The following ALG11 variants were observed in gnomAD, a reference collection of about 807,000 sequenced individuals.
The protein encoded by ALG11 is ALG11 alpha-1,2-mannosyltransferase, also known as GDP-Man:Man(3)GlcNAc(2)-PP-Dol alpha-1,2-mannosyltransferase.
Under a neutral mutation model 38.8 loss-of-function variants are expected in ALG11, and 26 were observed. The ratio of observed to expected loss-of-function variants is 0.67; its 90% CI spans 0.49 to 0.93. The LOEUF (loss-of-function observed/expected upper bound fraction) is 0.93, where lower values mean the gene tolerates loss of function less well. ALG11 is among the 40% of genes least tolerant of loss of function. The pLI is 0.00. For synonymous variants in ALG11, 199 were observed against 211.6 expected (o/e 0.94, Z 0.52); for missense variants, 535 against 578.8 (o/e 0.92, Z 0.78).
At position 52,032,049 on chromosome 13, in the gene ALG11, G is replaced by T. The variant is rs570540013; in HGVS notation, c.*3459G>T. The stretch of plus-strand genomic sequence containing the variant: ...AGCCTGAACAACATGGTGAAACCCT[G>T]TCTGTACTAAAAATACAAAAAAATT... On this transcript the variant is annotated 3_prime_UTR_variant, in exon 4 of 4. Transcript: ENST00000521508. 1 of 154,232 alleles carries T rather than the reference G, an allele frequency of 6.5e-6. No individual in the cohort carries two copies. Among genetic ancestry groups the T allele is most frequent in the African/African-American group, 2.4e-5 (1 of 41,534 alleles). 9.6% of individuals were successfully genotyped at this position (154,232 alleles called of 1,614,324 possible).
chr13:52,024,443 A>G lies in ALG11; in HGVS notation c.713A>G (p.Tyr238Cys), dbSNP rs1318976144. 5 of 1,613,858 alleles carry G rather than the reference A, an allele frequency of 3.1e-6. No homozygotes were observed. Among genetic ancestry groups the G allele is most frequent in the African/African-American group, 2.7e-5 (2 of 74,914 alleles). ...FLSKVKLIYY[Y>C]LFAFIYGLVG... Reference sequence around the variant, plus strand: ...AGCAAAGTAAAGCTCATCTACTACTATTTATTTGCTTTTATTTATGGACTT... The same window carrying G: ...AGCAAAGTAAAGCTCATCTACTACTGTTTATTTGCTTTTATTTATGGACTT... Residue 238 changes from tyrosine to cysteine, a missense_variant, in exon 3 of 4, where the codon TAT (tyrosine) becomes TGT (cysteine). Tyr to Cys is a radical substitution (Grantham distance 194). Coordinates refer to ENST00000521508, the MANE Select transcript of ALG11 (RefSeq NM_001004127.3).
At position 52,029,721 on chromosome 13, in the gene ALG11, A is replaced by G. The variant is rs1268258037; in HGVS notation, c.*1131A>G. The G allele has an allele frequency of 1.2e-6, 2 of 1,614,248 alleles. No individual in the cohort carries two copies. Among genetic ancestry groups the G allele is most frequent in the South Asian group, 1.1e-5 (1 of 91,092 alleles). On this transcript the variant is annotated 3_prime_UTR_variant, in exon 4 of 4. Transcript: ENST00000521508. ...CACCAAAACAGTGGGAAATGGGCCA[A>G]GTCAAAGGCAATTATGGCCAAATAT... is the stretch of plus-strand genomic sequence containing the variant.
chr13:52,030,253 C>G lies in ALG11; in HGVS notation c.*1663C>G. 1 of 1,614,192 alleles carries G rather than the reference C, an allele frequency of 6.2e-7. No individual in the cohort carries two copies. The highest frequency in any genetic ancestry group is 1.1e-5 in the South Asian group (1 of 91,086). On this transcript the variant is annotated 3_prime_UTR_variant, in exon 4 of 4. Transcript: ENST00000521508. ...AAGCAAGTTCAGAGGGGACTGTTCC[C>G]CAGGTCCAGAGAGAGGAACCTGCCC...
intron 2 of ALG11, among the ~76,000 whole-genome samples, chr13:52,019,861 C>G (rs911054978): frequency 6.6e-6 from 1 of 152,064 alleles, no homozygotes; most frequent in East Asian, 1.9e-4. Context: ...GAAGTCAAAG[C>G]TACAGTGAGC....
intron 3 of ALG11, 132 bp downstream of exon 3, chr13:52,025,069 T>C: frequency 9.7e-7 from 1 of 1,035,104 alleles, no homozygotes. Flanking sequence ...AAATGTGCTT[T>C]CCTCACTTGA....
rs1954321261 is a variant in ALG11, at chr13:52,033,106, T to C, written c.*4516T>C. The C allele has an allele frequency of 1.2e-5, 2 of 167,132 alleles. No homozygotes were observed. Among genetic ancestry groups the C allele is most frequent in the Admixed American group, 1.3e-4 (2 of 15,288 alleles). 10.4% of individuals were successfully genotyped at this position (167,132 alleles called of 1,614,324 possible). On this transcript the variant is annotated 3_prime_UTR_variant, in exon 4 of 4. Transcript: ENST00000521508. Reference sequence around the variant, plus strand: ...ATATCATTGGAAGATATAATTTGCATATATGTTCATTATCAGTGTTCCTAA... The same window carrying C: ...ATATCATTGGAAGATATAATTTGCACATATGTTCATTATCAGTGTTCCTAA...
intron 1 of ALG11, 103 bp downstream of exon 1, chr13:52,012,565 T>A (rs1022082333): frequency 2.0e-6 from 3 of 1,493,938 alleles, no homozygotes; most frequent in Non-Finnish European, 2.8e-6. Context: ...TTCCTTGTCA[T>A]GAATCTAAGG....
Position 52,024,393 on chromosome 13 carries a change from C to T in ALG11, c.663C>T (p.Ala221=), listed in dbSNP as rs768129165. ...KNQNIGFNNA[A]FITRNPFLSK... is the part of the protein sequence containing the mutation. ...AAAATATTGGATTTAATAATGCAGC[C>T]TTCATTACCAGGAATCCTTTTCTCA... The change falls in exon 3 of 4, where the codon GCC becomes GCT. Residue 221 remains alanine (A), a synonymous_variant. Coordinates refer to ENST00000521508, the MANE Select transcript of ALG11 (RefSeq NM_001004127.3). 1 of 1,613,596 alleles carries T rather than the reference C, an allele frequency of 6.2e-7. No individual in the cohort carries two copies. The highest frequency in any genetic ancestry group is 8.5e-7 in the Non-Finnish European group (1 of 1,179,628).
chr13:52,015,706 T>A (rs1001573540), intron 1 of ALG11: 1 of 154,062 alleles, frequency 6.5e-6, no homozygotes, highest in Admixed American at 6.5e-5. Context: ...AGAAGTGCCT[T>A]ATGCCTCCCG....
At chr13:52,013,860 T>A (rs1163453967) in intron 1 of ALG11, among the ~76,000 whole-genome samples, 1 of 152,224 alleles carries the variant, frequency 6.6e-6, no homozygotes, top group Non-Finnish European at 1.5e-5. Flanking sequence ...ACAAATCTGT[T>A]TTTATAATAA....
intron 1 of ALG11, among the ~76,000 whole-genome samples, chr13:52,018,457 G>A (rs1954153387): frequency 6.6e-6 from 1 of 152,130 alleles, no homozygotes; most frequent in Non-Finnish European, 1.5e-5. Context: ...GAGGTGAAGT[G>A]ATGGAATGAA....
At chr13:52,017,618 C>A in intron 1 of ALG11, 1 of 184,430 alleles carries the variant, frequency 5.4e-6, no homozygotes, top group Non-Finnish European at 1.1e-5. Context: ...TTCTCTTGCC[C>A]ACTGCCCTGT....
intron 2 of ALG11, among the ~76,000 whole-genome samples, chr13:52,020,221 A>G (rs979231508): frequency 1.3e-5 from 2 of 152,186 alleles, no homozygotes; most frequent in South Asian, 2.1e-4. Flanking sequence ...GGTGTTATAC[A>G]TCTTTTAATA....
intron 3 of ALG11, among the ~76,000 whole-genome samples, chr13:52,025,422 G>A (rs1227023615): frequency 6.6e-6 from 1 of 152,192 alleles, no homozygotes; most frequent in East Asian, 1.9e-4. Flanking sequence ...ATGGCCAAAT[G>A]AGAATCTCTG....
At position 52,028,344 on chromosome 13, in the gene ALG11, C is replaced by T. The variant is rs1253319599; in HGVS notation, c.1233C>T (p.Gly411=). Residue 411 remains glycine (G), a synonymous_variant, in exon 4 of 4, where the codon GGC becomes GGT. Transcript: ENST00000521508. ...GAGTTGTGGAGTGTATGGCAGCTGG[C>T]ACAATTATCCTTGCACACAATTCGG... ...GIGVVECMAA[G]TIILAHNSGG... is the part of the protein sequence containing the mutation. 2 of 1,613,958 alleles carry T rather than the reference C, an allele frequency of 1.2e-6. No individual in the cohort carries two copies. Among genetic ancestry groups the T allele is most frequent in the East Asian group, 4.5e-5 (2 of 44,898 alleles).
At chr13:52,016,372 C>G (rs919937906) in intron 1 of ALG11, 1 of 152,316 alleles carries the variant, frequency 6.6e-6, no homozygotes, top group Middle Eastern at 3.4e-3. Context: ...TCAAAAGTAG[C>G]AAGGAGCCTA....
At chr13:52,012,706 C>T (rs1354930337) in intron 1 of ALG11, among the ~76,000 whole-genome samples, 1 of 152,130 alleles carries the variant, frequency 6.6e-6, no homozygotes, top group Non-Finnish European at 1.5e-5. Flanking sequence ...GGGTCGAGTT[C>T]CCTTCCCTGC....
chr13:52,028,334 T>G lies in ALG11; in HGVS notation c.1223T>G (p.Met408Arg), dbSNP rs1064795803. The G allele has an allele frequency of 3.1e-6, 5 of 1,614,178 alleles. No individual in the cohort carries two copies. Among genetic ancestry groups the G allele is most frequent in the Non-Finnish European group, 4.2e-6 (5 of 1,180,028 alleles). ...TTTTTCTCAGGAGTTGTGGAGTGTATGGCAGCTGGCACAATTATCCTTGCA... is the reference window on the plus strand; with the variant it reads ...TTTTTCTCAGGAGTTGTGGAGTGTAGGGCAGCTGGCACAATTATCCTTGCA... ...EHFGIGVVEC[M>R]AAGTIILAHN... The change falls in exon 4 of 4, where the codon ATG (methionine) becomes AGG (arginine). Residue 408 changes from methionine (M) to arginine (R), a missense_variant. Physicochemically the swap from Met to Arg is moderately conservative, Grantham distance 91. Transcript: ENST00000521508.
Position 52,024,418 on chromosome 13 carries a change from A to G in ALG11, c.688A>G (p.Ser230Gly). ...CTTCATTACCAGGAATCCTTTTCTC[A>G]GCAAAGTAAAGCTCATCTACTACTA... Reference protein sequence around the residue: ...AAFITRNPFLSKVKLIYYYLF... With the variant: ...AAFITRNPFLGKVKLIYYYLF... The change falls in exon 3 of 4, where the codon AGC (serine) becomes GGC (glycine). Residue 230 changes from serine to glycine, a missense_variant. Coordinates refer to ENST00000521508, the MANE Select transcript of ALG11 (RefSeq NM_001004127.3). 6.2e-7 allele frequency: 1 copy of G among 1,613,440 alleles called. No homozygotes were observed. The highest frequency in any genetic ancestry group is 1.3e-5 in the African/African-American group (1 of 74,968).
Sources: allele counts gnomAD v4.1 joint callset (sites outside exome capture counted in the v4.1 genomes callset), GRCh38; gene constraint gnomAD v4.1.1; transcripts MANE v1.5; gene names NCBI Gene and HGNC (gene_info 2026-07-23, HGNC 2026-07-21).